The following NPTN variants were observed in gnomAD, a reference collection of about 807,000 sequenced individuals.
NPTN encodes SDR-1.
Under a neutral mutation model 42.7 loss-of-function variants are expected in NPTN, and 5 were observed. The observed-to-expected ratio is 0.12, with a 90% CI of 0.06 to 0.25. The LOEUF is 0.25. Among genes scored for constraint, NPTN ranks in the 10% least tolerant of loss-of-function variants. The pLI, the probability that NPTN is intolerant of heterozygous loss-of-function variation, is 1.00. For synonymous variants in NPTN, 180 were observed against 201.9 expected, an observed-to-expected ratio of 0.89 and a Z score of 0.92; for missense variants, 307 against 525.4, an observed-to-expected ratio of 0.58 and a Z score of 4.06.
At chr15:73,617,645 GTTCT>G (rs1390538247) in intron 1 of NPTN, among the ~76,000 whole-genome samples, 1 of 152,152 alleles carries the variant, frequency 6.6e-6, no homozygotes, top group Non-Finnish European at 1.5e-5. Flanking sequence ...CAATTCTTTA[GTTCT>G]TTCTGTGACA....
rs915925942 is a variant in NPTN, at chr15:73,593,166, T to C, written c.440-1029A>G. Among the ~76,000 whole-genome samples, 3 of 152,340 alleles carry C rather than the reference T, an allele frequency of 2.0e-5. No individual in the cohort carries two copies. The South Asian group carries it at 6.2e-4, about 32-fold the overall frequency. On this transcript the variant is annotated intron_variant, in intron 2 of 8. Transcript: ENST00000345330. The stretch of plus-strand genomic sequence containing the variant: ...AACCTACTTGAGTCAAATATTATAA[T>C]ACATTGAACAAAAATGTTTAAAATC...
intron 4 of NPTN, 132 bp from the exon 5 acceptor site, chr15:73,573,927 T>C: frequency 8.5e-7 from 1 of 1,178,040 alleles, no homozygotes; most frequent in Non-Finnish European, 1.2e-6. Context: ...TCAGCTTTGA[T>C]GAAGAGCATT....
rs773591046 is a variant in NPTN at position 73,591,918 on chromosome 15, T to A, written c.611+48A>T. ...TATGGATTATGAATGTCAAGTAAGC[T>A]CAGCCACACTCCCTCCCACCTTCCC... On this transcript the variant is annotated intron_variant, in intron 3 of 8. Transcript: ENST00000345330. The A allele has an allele frequency of 3.2e-6, 5 of 1,543,520 alleles. No homozygotes were observed. The African/African-American group carries it at 6.8e-5, about 21-fold the overall frequency.
chr15:73,578,805 C>T (rs1895831437), intron 4 of NPTN, among the ~76,000 whole-genome samples: 1 of 151,954 alleles, frequency 6.6e-6, no homozygotes. Context: ...ACCAGCCTGG[C>T]CAACCTGGTG....
rs780498543 is a variant in NPTN, at chr15:73,633,178, G to C, written c.38C>G (p.Ser13Trp). 3.3e-6 allele frequency: 5 copies of C among 1,520,746 alleles called. No homozygotes were observed. The African/African-American group carries it at 5.8e-5, about 18-fold the overall frequency. The allele number at this position is 1,520,746 out of a possible 1,614,324, so 94.2% of individuals were successfully genotyped here. A position where few individuals can be genotyped will look rare whatever the true frequency, so the allele number is the denominator to read the frequency against. ...GSSLPSALAL[S>W]LLLVSGSLLP... ...GAGGGAGCCAGAGACCAGCAACAGC[G>C]AGAGGGCCAGGGCGCTGGGCAGCGA... is the stretch of plus-strand genomic sequence containing the variant. Residue 13 changes from serine to tryptophan, a missense_variant, in exon 1 of 9, where the codon TCG becomes TGG. Ser to Trp is a radical substitution (Grantham distance 177, BLOSUM62 -3). This residue lies in a region of NPTN where 43 missense variants were observed against 34.3 expected (regional missense o/e 1.25). Transcript: ENST00000345330.
intron 1 of NPTN, among the ~76,000 whole-genome samples, chr15:73,604,641 T>C (rs2094599977): frequency 6.6e-6 from 1 of 152,120 alleles, no homozygotes; most frequent in Non-Finnish European, 1.5e-5. Flanking sequence ...TTTAAAAAAC[T>C]TGGGATGGAT....
chr15:73,568,527 C>T, intron 6 of NPTN: 1 of 985,426 alleles, frequency 1.0e-6, no homozygotes, highest in Non-Finnish European at 1.2e-6. Context: ...TCCCTTTACT[C>T]CCAGGTCTAA....
At chr15:73,605,101 G>GCGGA (rs202194591) in intron 1 of NPTN, among the ~76,000 whole-genome samples, 1 of 135,072 alleles carries the variant, frequency 7.4e-6, no homozygotes, top group Non-Finnish European at 1.6e-5. Context: ...CTGTCTCAAG[G>GCGGA]GGGGGGGGGG....
chr15:73,631,739 C>G (rs779964962), intron 1 of NPTN, among the ~76,000 whole-genome samples: 6 of 152,176 alleles, frequency 3.9e-5, no homozygotes, highest in Non-Finnish European at 5.9e-5. Context: ...AATTCCTTCA[C>G]AGAAAAAATA....
intron 1 of NPTN, among the ~76,000 whole-genome samples, chr15:73,606,350 G>T (rs775233185): frequency 6.6e-6 from 1 of 152,164 alleles, no homozygotes; most frequent in African/African-American, 2.4e-5. Flanking sequence ...TGTCAAGCTA[G>T]TATTTTCAGG....
intron 7 of NPTN, among the ~76,000 whole-genome samples, chr15:73,562,284 C>T (rs1479117472): frequency 6.6e-6 from 1 of 152,128 alleles, no homozygotes; most frequent in Non-Finnish European, 1.5e-5. Flanking sequence ...TGAGCATTTC[C>T]TTTGAGCCTC....
chr15:73,619,360 A>C (rs1481070973), intron 1 of NPTN, among the ~76,000 whole-genome samples: 1 of 152,210 alleles, frequency 6.6e-6, no homozygotes, highest in Admixed American at 6.5e-5. Flanking sequence ...AAACTTTCAA[A>C]ACATTCACTG....
chr15:73,613,150 T>A (rs1897673695), intron 1 of NPTN, among the ~76,000 whole-genome samples: 2 of 152,158 alleles, frequency 1.3e-5, no homozygotes, highest in Non-Finnish European at 2.9e-5. Flanking sequence ...AACTTCCAAT[T>A]CTAAATACAG....
At chr15:73,618,814 G>C (rs1897984782) in intron 1 of NPTN, among the ~76,000 whole-genome samples, 1 of 152,040 alleles carries the variant, frequency 6.6e-6, no homozygotes, top group Non-Finnish European at 1.5e-5. Context: ...CAGCCTGGAT[G>C]AAAGAGCAAG....
chr15:73,613,556 C>T (rs1269104803), intron 1 of NPTN, among the ~76,000 whole-genome samples: 1 of 152,038 alleles, frequency 6.6e-6, no homozygotes, highest in Non-Finnish European at 1.5e-5. Context: ...TTAGTAAAAT[C>T]ATAAACTCTG....
intron 4 of NPTN, among the ~76,000 whole-genome samples, chr15:73,581,099 A>G (rs546247673): frequency 1.3e-5 from 2 of 152,306 alleles, no homozygotes; most frequent in East Asian, 1.9e-4. Context: ...TAAGAAATCA[A>G]AGATACTGAT....
chr15:73,618,371 T>TG (rs1897964606), intron 1 of NPTN, among the ~76,000 whole-genome samples: 1 of 152,222 alleles, frequency 6.6e-6, no homozygotes, highest in African/African-American at 2.4e-5. Context: ...GAAACACTCC[T>TG]GCTCAATAAA....
chr15:73,584,784 A>AG (rs1343633391), intron 4 of NPTN, among the ~76,000 whole-genome samples: 5 of 150,230 alleles, frequency 3.3e-5, no homozygotes, highest in East Asian at 1.9e-4. Context: ...AAAAAAAAAA[A>AG]GGGAGAGAAT....
At chr15:73,574,769 T>C (rs1438692771) in intron 4 of NPTN, among the ~76,000 whole-genome samples, 1 of 152,128 alleles carries the variant, frequency 6.6e-6, no homozygotes, top group African/African-American at 2.4e-5. Flanking sequence ...TTTGCAACAG[T>C]TTCCTAGACT....
Sources: allele counts gnomAD v4.1 joint callset (sites outside exome capture counted in the v4.1 genomes callset), GRCh38; gene constraint gnomAD v4.1.1; regional missense constraint gnomAD v4.1.1; transcripts MANE v1.5; gene names NCBI Gene and HGNC (gene_info 2026-07-23, HGNC 2026-07-21).